Variants in ARK2C observed in about 807,000 individuals in gnomAD.
ARK2C encodes arkadia (RNF111) C-terminal like ring finger ubiquitin ligase 2C.
At chr18:46,430,900 T>C in the ARK2C span, among the ~76,000 whole-genome samples, 3 of 152,234 alleles carry the variant, frequency 2.0e-5, no homozygotes, top group Admixed American at 2.0e-4. Context: ...GAGTTCATTG[T>C]TTAAAAATTA....
the ARK2C span, among the ~76,000 whole-genome samples, chr18:46,343,798 C>T: frequency 6.6e-6 from 1 of 152,218 alleles, no homozygotes; most frequent in Non-Finnish European, 1.5e-5. Context: ...TTCCACTGGC[C>T]AGGTCATACC....
At chr18:46,407,051 G>A in the ARK2C span, among the ~76,000 whole-genome samples, 1 of 152,102 alleles carries the variant, frequency 6.6e-6, no homozygotes, top group Admixed American at 6.5e-5. Flanking sequence ...CTCGACTTTT[G>A]CCTCGGCCTC....
the ARK2C span, among the ~76,000 whole-genome samples, chr18:46,448,925 C>G: frequency 6.6e-6 from 1 of 152,194 alleles, no homozygotes; most frequent in Non-Finnish European, 1.5e-5. Context: ...GCTCCTCAGT[C>G]TCCTTATTTG....
the ARK2C span, among the ~76,000 whole-genome samples, chr18:46,368,623 T>C: frequency 6.6e-6 from 1 of 152,188 alleles, no homozygotes; most frequent in South Asian, 2.1e-4. Context: ...TGGAGTCGAG[T>C]CTTAATCAGT....
chr18:46,447,722 C>T, the ARK2C span: 2 of 1,613,970 alleles, frequency 1.2e-6, no homozygotes, highest in African/African-American at 1.3e-5. Flanking sequence ...CTCCCTTGCG[C>T]CTATTGAGTG....
At chr18:46,455,889 G>A in the ARK2C span, 1 of 748,238 alleles carries the variant, frequency 1.3e-6, no homozygotes, top group Non-Finnish European at 2.3e-6. Context: ...GACTCCCAGG[G>A]GAAGAGCAGG....
At chr18:46,381,383 G>A in the ARK2C span, among the ~76,000 whole-genome samples, 1 of 152,176 alleles carries the variant, frequency 6.6e-6, no homozygotes, top group Non-Finnish European at 1.5e-5. Context: ...CGCTTCCTGG[G>A]CCTCACCTCT....
chr18:46,368,974 A>G, the ARK2C span, among the ~76,000 whole-genome samples: 22 of 152,348 alleles, frequency 1.4e-4, no homozygotes, highest in Non-Finnish European at 3.1e-4. Flanking sequence ...TGTGCCAGGC[A>G]CTATGGTACT....
chr18:46,341,648 C>A, the ARK2C span, among the ~76,000 whole-genome samples: 1 of 152,110 alleles, frequency 6.6e-6, no homozygotes, highest in African/African-American at 2.4e-5. Flanking sequence ...AGGAAATGAA[C>A]TTCAACAATA....
chr18:46,348,689 G>A, the ARK2C span, among the ~76,000 whole-genome samples: 1 of 152,146 alleles, frequency 6.6e-6, no homozygotes, highest in Non-Finnish European at 1.5e-5. Flanking sequence ...AAGCACTGGG[G>A]CCTCTTGAGC....
the ARK2C span, among the ~76,000 whole-genome samples, chr18:46,384,462 G>A: frequency 6.6e-6 from 1 of 152,250 alleles, no homozygotes; most frequent in South Asian, 2.1e-4. Context: ...AAATATATCT[G>A]GTGGCGACTT....
the ARK2C span, among the ~76,000 whole-genome samples, chr18:46,362,934 T>A: frequency 1.3e-5 from 2 of 152,194 alleles, no homozygotes; most frequent in South Asian, 2.1e-4. Context: ...TGGCCAAGAA[T>A]CAGACAGACC....
At chr18:46,435,411 C>T in the ARK2C span, 1 of 1,587,230 alleles carries the variant, frequency 6.3e-7, no homozygotes, top group Non-Finnish European at 8.6e-7. Context: ...GTCTTCAGGG[C>T]CCCTGGGGGA....
At chr18:46,349,170 A>G in the ARK2C span, among the ~76,000 whole-genome samples, 1 of 152,116 alleles carries the variant, frequency 6.6e-6, no homozygotes, top group South Asian at 2.1e-4. Context: ...TTTTCCCACT[A>G]TCTTAGCACA....
chr18:46,420,386 G>A, the ARK2C span, among the ~76,000 whole-genome samples: 8 of 152,158 alleles, frequency 5.3e-5, no homozygotes, highest in African/African-American at 1.9e-4. Context: ...TCTCTGTCCT[G>A]TCCACCGTAT....
the ARK2C span, among the ~76,000 whole-genome samples, chr18:46,371,029 A>G: frequency 6.6e-6 from 1 of 152,190 alleles, no homozygotes; most frequent in African/African-American, 2.4e-5. Flanking sequence ...ATGGCTAGGG[A>G]GGCCTCACAA....
At chr18:46,336,434 T>G in the ARK2C span, 2 of 985,450 alleles carry the variant, frequency 2.0e-6, no homozygotes, top group Non-Finnish European at 2.4e-6. Flanking sequence ...AAGTTTACTT[T>G]CACGGCAAAC....
the ARK2C span, among the ~76,000 whole-genome samples, chr18:46,421,472 C>A: frequency 6.6e-6 from 1 of 152,208 alleles, no homozygotes; most frequent in African/African-American, 2.4e-5. Flanking sequence ...TAGGCTCTGC[C>A]TTCATGGAGT....
chr18:46,392,749 G>A, the ARK2C span, among the ~76,000 whole-genome samples: 1 of 152,146 alleles, frequency 6.6e-6, no homozygotes, highest in African/African-American at 2.4e-5. Context: ...GTTCTTCAGT[G>A]TGCCCCGCCA....
Sources: gnomAD v4.1 joint callset for allele counts (sites outside exome capture counted in the v4.1 genomes callset) on GRCh38, gnomAD v4.1.1 for gene constraint, MANE v1.5 for transcripts, NCBI Gene and HGNC (gene_info 2026-07-23, HGNC 2026-07-21) for gene names.